The following PTX4 variants were observed in gnomAD, a reference collection of about 807,000 sequenced individuals.
The protein encoded by PTX4 is pentraxin 4.
Under a neutral mutation model 19.1 loss-of-function variants are expected in PTX4, and 23 were observed. The observed-to-expected ratio is 1.20, with a 90% CI of 0.87 to 1.70. The LOEUF (loss-of-function observed/expected upper bound fraction) is 1.70, where lower values mean the gene tolerates loss of function less well. Ranked by LOEUF, PTX4 falls within the 40% of genes most tolerant of loss-of-function variation. The probability of loss-of-function intolerance (pLI) is 0.00; values close to 1 mark genes in which losing one functional copy is unlikely to be tolerated. For missense variants in PTX4, 678 were observed against 610.5 expected, an observed-to-expected ratio of 1.11 and a Z score of -1.17; for synonymous variants, 317 against 279.6, an observed-to-expected ratio of 1.13 and a Z score of -1.33.
At position 1,485,893 on chromosome 16, in the gene PTX4, G is replaced by A. The variant is rs1323408310; in HGVS notation, c.*46C>T. On this transcript the variant is annotated 3_prime_UTR_variant, in exon 3 of 3. Coordinates refer to ENST00000447419, the MANE Select transcript of PTX4 (RefSeq NM_001328608.2). ...GGGAGGGCGGTGGCGGAATGTGGAT[G>A]GGGGCATGCTGCCCTTGCTGGCCTC... The A allele has an allele frequency of 6.4e-7, 1 of 1,551,008 alleles. No homozygotes were observed. The highest frequency in any genetic ancestry group is 1.4e-5 in the African/African-American group (1 of 73,930).
rs146039496 is a variant in PTX4 at position 1,487,825 on chromosome 16, G to A, written c.287C>T (p.Ser96Leu). The change falls in exon 2 of 3, where the codon TCG (serine) becomes TTG (leucine). Residue 96 changes from serine (S) to leucine (L), a missense_variant. Ser to Leu is a moderately radical substitution (Grantham distance 145, BLOSUM62 -2). Coordinates refer to ENST00000447419, the MANE Select transcript of PTX4 (RefSeq NM_001328608.2). ...VAQAVNRSQA[S>L]VQGELAQLKA... ...GAGCTGCGCCAGCTCCCCCTGCACC[G>A]AGGCCTGTGACCGGTTGACTGCCTG... 137 of 1,613,154 alleles carry A rather than the reference G, an allele frequency of 8.5e-5. No individual in the cohort carries two copies. The African/African-American group carries it at 1.1e-3, about 13-fold the overall frequency.
At chr16:1,488,565 T>C in intron 1 of PTX4, 1 of 1,085,000 alleles carries the variant, frequency 9.2e-7, no homozygotes, top group Non-Finnish European at 1.4e-6. Context: ...TTATGAGGCT[T>C]GTGTCCTGTG....
At position 1,486,762 on chromosome 16, in the gene PTX4, C is replaced by T. The variant is rs556296302; in HGVS notation, c.797-183G>A. ...CTCCTTCACTCTCTTGATGGGATCA[C>T]CCCAGTTCCACAGGCGGGAAGACTG... On this transcript the variant is annotated intron_variant, in intron 2 of 2. Coordinates refer to ENST00000447419, the MANE Select transcript of PTX4 (RefSeq NM_001328608.2). Among the ~76,000 whole-genome samples the T allele has an allele frequency of 6.6e-5, 10 of 152,336 alleles. No individual in the cohort carries two copies. In the South Asian group the frequency reaches 2.1e-3, roughly 32 times the overall value.
Position 1,486,410 on chromosome 16 carries a change from G to C in PTX4, c.966C>G (p.Asp322Glu). ...CTCGGCCGTGCAGCACCAGCTTGTT[G>C]TCATTGTCCTCGGTGGCGTAGGACA... ...TLLSYATEDN[D>E]NKLVLHGRDS... The change falls in exon 3 of 3, where the codon GAC becomes GAG. Residue 322 changes from aspartate to glutamate, a missense_variant. Asp to Glu is a conservative substitution (Grantham distance 45, BLOSUM62 2). Transcript: ENST00000447419. 6.2e-7 allele frequency: 1 copy of C among 1,614,084 alleles called. No homozygotes were observed.
rs58192896 is a variant in PTX4, at chr16:1,486,116, G to A, written c.1260C>T (p.Phe420=). The change falls in exon 3 of 3, where the codon TTC becomes TTT. Residue 420 remains phenylalanine (F), a synonymous_variant. Transcript: ENST00000447419. Reference sequence around the variant, plus strand: ...TAGCCAAGCCAGACATGCTCCCCACGAAGGCCTCGGAGCTGTCGAATCCGC... The same window carrying A: ...TAGCCAAGCCAGACATGCTCCCCACAAAGGCCTCGGAGCTGTCGAATCCGC... ...VGGGFDSSEA[F]VGSMSGLAIW... is the part of the protein sequence containing the mutation. 9.7e-3 allele frequency: 15,666 copies of A among 1,614,136 alleles called. 1,354 individuals are homozygous for A. The African/African-American group carries it at 0.18, about 19-fold the overall frequency.
rs1377805634 is a variant in PTX4 at position 1,486,326 on chromosome 16, C to T, written c.1050G>A (p.Leu350=). The change falls in exon 3 of 3, where the codon CTG becomes CTA. Residue 350 remains leucine (L), a synonymous_variant. Transcript: ENST00000447419. ...GGCCGTCCAGCAGCAGCTGCAAGGG[C>T]AGCTCCCTGAAGGCCGGGTCCCCGA... ...FVIGDPAFRE[L]PLQLLLDGQW... 1.2e-6 allele frequency: 2 copies of T among 1,613,806 alleles called. No individual in the cohort carries two copies. The highest frequency in any genetic ancestry group is 1.7e-6 in the Non-Finnish European group (2 of 1,179,988).
At chr16:1,488,477 C>T (rs374769106) in intron 1 of PTX4, 201 of 1,610,606 alleles carry the variant, frequency 1.2e-4, no homozygotes, top group Non-Finnish European at 1.5e-4. Context: ...TGACACTACC[C>T]GGCCCCCATG....
Position 1,486,571 on chromosome 16 carries a change from C to T in PTX4, c.805G>A (p.Val269Met), listed in dbSNP as rs780046260. The part of the protein sequence containing the change: ...SPQVPGEICG[V>M]GPTLVFPNAS... Reference sequence around the variant, plus strand: ...TTTGGGAAAACGAGGGTGGGGCCCACGCCGCAAACTAGAAACAGAGGAGGG... The same window carrying T: ...TTTGGGAAAACGAGGGTGGGGCCCATGCCGCAAACTAGAAACAGAGGAGGG... The change falls in exon 3 of 3, where the codon GTG (valine) becomes ATG (methionine). Residue 269 changes from valine to methionine, a missense_variant. Transcript: ENST00000447419. 3.9e-5 allele frequency: 61 copies of T among 1,544,386 alleles called. No homozygotes were observed. Among genetic ancestry groups the T allele is most frequent in the East Asian group, 4.5e-5 (2 of 44,380 alleles).
At chr16:1,486,680 C>T in intron 2 of PTX4, 101 bp from the exon 3 acceptor site, 3 of 1,260,752 alleles carry the variant, frequency 2.4e-6, no homozygotes. Flanking sequence ...TCCCGGCTGC[C>T]ACCCTTCACG....
chr16:1,487,607 C>T lies in PTX4; in HGVS notation c.505G>A (p.Ala169Thr), dbSNP rs768430004. The change falls in exon 2 of 3, where the codon GCT becomes ACT. Residue 169 changes from alanine (A) to threonine (T), a missense_variant. Physicochemically the swap from Ala to Thr is moderately conservative, Grantham distance 58. Coordinates refer to ENST00000447419, the MANE Select transcript of PTX4 (RefSeq NM_001328608.2). ...ACGGGCAGCCGCCCCTCCAGAGCAG[C>T]CAGCCTGGCGCCCTGGCTGTGGACG... is the stretch of plus-strand genomic sequence containing the variant. ...GLVHSQGARL[A>T]ALEGRLPVAH... is the part of the protein sequence containing the mutation. The T allele has an allele frequency of 6.4e-7, 1 of 1,569,852 alleles. No homozygotes were observed.
rs1336684468 is a variant in PTX4, at chr16:1,488,004, C to T, written c.142-34G>A. The T allele has an allele frequency of 3.3e-5, 48 of 1,446,740 alleles. No individual in the cohort carries two copies. In the Admixed American group the frequency reaches 5.3e-4, roughly 16 times the overall value. The allele number at this position is 1,446,740 out of a possible 1,614,324, so 89.6% of individuals were successfully genotyped here. On this transcript the variant is annotated intron_variant, in intron 1 of 2. Coordinates refer to ENST00000447419, the MANE Select transcript of PTX4 (RefSeq NM_001328608.2). ...AGGACACGGTGATGATGGGGCGGGCCGGGCCGGGCCGGCTGGGCGGGACGG... is the reference window on the plus strand; with the variant it reads ...AGGACACGGTGATGATGGGGCGGGCTGGGCCGGGCCGGCTGGGCGGGACGG...
chr16:1,488,392 C>G lies in PTX4; in HGVS notation c.141+377G>C, dbSNP rs575639679. On this transcript the variant is annotated intron_variant, in intron 1 of 2. Coordinates refer to ENST00000447419, the MANE Select transcript of PTX4 (RefSeq NM_001328608.2). ...GCACTCCGGAACTGTCCGTGGACCC[C>G]GCGTGGGAGTCCGGGAGGCCGTTCA... 1.9e-6 allele frequency: 3 copies of G among 1,613,944 alleles called. No homozygotes were observed. In the South Asian group the frequency reaches 3.3e-5, roughly 18 times the overall value.
In PTX4 at chr16:1,487,693, C is replaced by A. The variant is rs1160364234; in HGVS notation, c.419G>T (p.Arg140Met). 1 of 1,610,710 alleles carries A rather than the reference C, an allele frequency of 6.2e-7. No individual in the cohort carries two copies. Among genetic ancestry groups the A allele is most frequent in the East Asian group, 2.2e-5 (1 of 44,812 alleles). Residue 140 changes from arginine to methionine, a missense_variant, in exon 2 of 3, where the codon AGG becomes ATG. Arg to Met is a moderately conservative substitution (Grantham distance 91). Transcript: ENST00000447419. The stretch of plus-strand genomic sequence containing the variant: ...GTCCCTCTGGGCCTTGTGTGCCTTC[C>A]TTTCCCGGGCCCGCTGCTGGCTCCT... ...GERSQQRARE[R>M]KAHKAQRDAL... is the part of the protein sequence containing the mutation.
chr16:1,486,345 TC>T lies in PTX4; in HGVS notation c.1030del (p.Asp344ThrfsTer111). 6.2e-7 allele frequency: 1 copy of T among 1,613,694 alleles called. No homozygotes were observed. Among genetic ancestry groups the T allele is most frequent in the Non-Finnish European group, 8.5e-7 (1 of 1,179,962 alleles). ...CAAGGGCAGCTCCCTGAAGGCCGGG[TC>T]CCCGATCACGAAGTGGATGGATCCG... ...LPGSIHFVIGDPAFRELPLQL... is the reference protein window; with the variant it reads ...LPGSIHFVIGXPAFRELPLQL... On this transcript the variant is annotated frameshift_variant, in exon 3 of 3. Transcript: ENST00000447419. LOFTEE classifies it low-confidence loss of function (END_TRUNC).
intron 2 of PTX4, among the ~76,000 whole-genome samples, chr16:1,486,863 G>T (rs889510265): frequency 6.6e-6 from 1 of 152,182 alleles, no homozygotes; most frequent in Non-Finnish European, 1.5e-5. Context: ...CTGAGCCAGC[G>T]CCCCTCACTG....
chr16:1,485,963 G>A lies in PTX4; in HGVS notation c.1413C>T (p.Cys471=). ...CTCAGGGACAGCGTTCCAGGCAGGT[G>A]CAGTTGGCCCCCTGCACAAATCCGC... ...LAGGFVQGAN[C]TCLERCP The change falls in exon 3 of 3, where the codon TGC becomes TGT. Residue 471 remains cysteine (C), a synonymous_variant. Coordinates refer to ENST00000447419, the MANE Select transcript of PTX4 (RefSeq NM_001328608.2). The A allele has an allele frequency of 6.2e-7, 1 of 1,608,556 alleles. No individual in the cohort carries two copies. Among genetic ancestry groups the A allele is most frequent in the Non-Finnish European group, 8.5e-7 (1 of 1,178,896 alleles).
rs2039240997 is a variant in PTX4 at position 1,486,105 on chromosome 16, A to G, written c.1271T>C (p.Met424Thr). Residue 424 changes from methionine (M) to threonine (T), a missense_variant, in exon 3 of 3, where the codon ATG becomes ACG. Physicochemically the swap from Met to Thr is moderately conservative, Grantham distance 81 (BLOSUM62 -1). Transcript: ENST00000447419. ...FDSSEAFVGS[M>T]SGLAIWDRAL... is the part of the protein sequence containing the mutation. Reference sequence around the variant, plus strand: ...CCGATCCCAGATAGCCAAGCCAGACATGCTCCCCACGAAGGCCTCGGAGCT... The same window carrying G: ...CCGATCCCAGATAGCCAAGCCAGACGTGCTCCCCACGAAGGCCTCGGAGCT... The G allele has an allele frequency of 2.5e-6, 4 of 1,614,178 alleles. No individual in the cohort carries two copies. Among genetic ancestry groups the G allele is most frequent in the Non-Finnish European group, 2.5e-6 (3 of 1,180,032 alleles).
In PTX4 at chr16:1,487,959, G is replaced by A. The variant is rs754419163; in HGVS notation, c.153C>T (p.Phe51=). 3.2e-6 allele frequency: 5 copies of A among 1,581,180 alleles called. No homozygotes were observed. Among genetic ancestry groups the A allele is most frequent in the East Asian group, 4.5e-5 (2 of 44,372 alleles). Residue 51 remains phenylalanine (F), a synonymous_variant, in exon 2 of 3, where the codon TTC becomes TTT. Coordinates refer to ENST00000447419, the MANE Select transcript of PTX4 (RefSeq NM_001328608.2). The stretch of plus-strand genomic sequence containing the variant: ...GCAGGTGTGTCCAGGTCACCTCCTG[G>A]AATCTCCGGAACTGTAAGGAGGACA... ...LRRLEEQFRR[F]QEVTWTHLQN...
rs377096058 is a variant in PTX4, at chr16:1,486,191, G to A, written c.1185C>T (p.Ile395=). The A allele has an allele frequency of 8.7e-6, 14 of 1,613,590 alleles. No homozygotes were observed. The highest frequency in any genetic ancestry group is 1.2e-5 in the Non-Finnish European group (14 of 1,179,908). ...TGSRFREGYE[I]PPGGSLVLGQ... is the part of the protein sequence containing the mutation. ...CCAGCACGAGGGACCCTCCGGGGGG[G>A]ATCTCATAGCCCTCCCTGAAGCGGG... The change falls in exon 3 of 3, where the codon ATC becomes ATT. Residue 395 remains isoleucine (I), a synonymous_variant. Transcript: ENST00000447419.
Sources: gnomAD v4.1 joint callset for allele counts (sites outside exome capture counted in the v4.1 genomes callset) on GRCh38, gnomAD v4.1.1 for gene constraint, MANE v1.5 for transcripts, NCBI Gene and HGNC (gene_info 2026-07-23, HGNC 2026-07-21) for gene names.